ASCC3: variants seen among roughly 807,000 people sequenced by gnomAD.
The protein encoded by ASCC3 is activating signal cointegrator 1 complex subunit 3.
A neutral mutation model predicts 256.3 loss-of-function variants in ASCC3; 158 were observed. That is an observed-to-expected ratio of 0.62 (90% CI 0.54 to 0.70). The LOEUF (loss-of-function observed/expected upper bound fraction) is 0.70. Among genes scored for constraint, ASCC3 ranks in the 30% least tolerant of loss-of-function variants. ASCC3 has a pLI of 0.00. For missense variants in ASCC3, 2,259 were observed against 2,626.0 expected, an observed-to-expected ratio of 0.86 and a Z score of 3.05; for synonymous variants, 948 against 883.4, an observed-to-expected ratio of 1.07 and a Z score of -1.30.
chr6:100,829,158 A>G (rs1032082594), intron 4 of ASCC3, among the ~76,000 whole-genome samples: 8 of 152,130 alleles, frequency 5.3e-5, no homozygotes, highest in African/African-American at 1.7e-4. Context: ...CAGGAGCCCA[A>G]CTGGATTCAC....
At chr6:100,802,917 A>G (rs1268441980) in intron 5 of ASCC3, among the ~76,000 whole-genome samples, 4 of 151,986 alleles carry the variant, frequency 2.6e-5, no homozygotes, top group African/African-American at 9.7e-5. Context: ...CTGAGATGAG[A>G]GGATTGCTTG....
chr6:100,563,551 G>A (rs1770064809), intron 36 of ASCC3, among the ~76,000 whole-genome samples: 1 of 152,076 alleles, frequency 6.6e-6, no homozygotes, highest in Non-Finnish European at 1.5e-5. Context: ...AACTGTCCTG[G>A]CTGTGGTGGG....
At chr6:100,727,554 T>TATC (rs1424898140) in intron 10 of ASCC3, among the ~76,000 whole-genome samples, 1 of 151,978 alleles carries the variant, frequency 6.6e-6, no homozygotes, top group African/African-American at 2.4e-5. Context: ...ACTTTCACTG[T>TATC]ATCAGCCAGG....
At chr6:100,583,715 A>G (rs1011624535) in intron 36 of ASCC3, among the ~76,000 whole-genome samples, 3 of 151,650 alleles carry the variant, frequency 2.0e-5, no homozygotes, top group African/African-American at 7.3e-5. Context: ...GCTTTCTCTT[A>G]TGGGCATTTA....
At chr6:100,767,377 A>G in intron 8 of ASCC3, 32 bp from the exon 9 acceptor site, 1 of 1,590,384 alleles carries the variant, frequency 6.3e-7, no homozygotes, top group Non-Finnish European at 8.6e-7. Context: ...CATTATAAAT[A>G]GTAACAATGT....
chr6:100,735,409 G>A (rs563439344), intron 10 of ASCC3, among the ~76,000 whole-genome samples: 7 of 151,686 alleles, frequency 4.6e-5, no homozygotes, highest in East Asian at 2.0e-4. Flanking sequence ...AAACAGCTTC[G>A]TACTTTAATA....
chr6:100,536,895 T>C (rs1775192077), intron 37 of ASCC3, among the ~76,000 whole-genome samples: 1 of 152,138 alleles, frequency 6.6e-6, no homozygotes, highest in Non-Finnish European at 1.5e-5. Flanking sequence ...CAAGAAACAC[T>C]GGGGTGAGTC....
At chr6:100,834,290 G>C (rs1364683587) in intron 4 of ASCC3, among the ~76,000 whole-genome samples, 1 of 152,110 alleles carries the variant, frequency 6.6e-6, no homozygotes, top group East Asian at 1.9e-4. Flanking sequence ...TATTTCAAAT[G>C]TTAGCACAAT....
At chr6:100,673,733 T>G (rs1342211577) in intron 14 of ASCC3, among the ~76,000 whole-genome samples, 2 of 152,178 alleles carry the variant, frequency 1.3e-5, no homozygotes, top group Admixed American at 6.5e-5. Context: ...GTACGTGAAT[T>G]TTGGTCACAC....
chr6:100,666,180 G>A lies in ASCC3; in HGVS notation c.2287-3644C>T, dbSNP rs75474699. Among the ~76,000 whole-genome samples, 191 of 152,108 alleles carry A rather than the reference G, an allele frequency of 1.3e-3. 1 individual carries two copies. In the South Asian group the frequency reaches 0.018, roughly 15 times the overall value. On this transcript the variant is annotated intron_variant, in intron 14 of 41. Coordinates refer to ENST00000369162, the MANE Select transcript of ASCC3 (RefSeq NM_006828.4). Reference sequence around the variant, plus strand: ...TTTTTATTGCTGAGTAGTATTCCACGGTACTACAGATGGGCACATTACAGT... The same window carrying A: ...TTTTTATTGCTGAGTAGTATTCCACAGTACTACAGATGGGCACATTACAGT...
At chr6:100,856,743 CTTCTT>C (rs928377835) in intron 3 of ASCC3, 17 of 152,190 alleles carry the variant, frequency 1.1e-4, no homozygotes, top group African/African-American at 3.9e-4. Context: ...TGTTGTATGG[CTTCTT>C]TTGTCAACAT....
At chr6:100,824,389 A>G (rs1435334344) in intron 4 of ASCC3, among the ~76,000 whole-genome samples, 2 of 152,208 alleles carry the variant, frequency 1.3e-5, no homozygotes, top group Non-Finnish European at 2.9e-5. Context: ...TTGGAGTTCC[A>G]AAAGACCTCA....
intron 8 of ASCC3, among the ~76,000 whole-genome samples, chr6:100,779,448 A>G (rs1283256939): frequency 6.6e-6 from 1 of 152,096 alleles, no homozygotes; most frequent in African/African-American, 2.4e-5. Flanking sequence ...CACATTAAAA[A>G]ACTGGAAGAA....
intron 13 of ASCC3, among the ~76,000 whole-genome samples, chr6:100,706,964 T>A (rs1294855265): frequency 6.6e-6 from 1 of 152,118 alleles, no homozygotes; most frequent in Non-Finnish European, 1.5e-5. Context: ...CTGAAGGCAT[T>A]GGCCTAGGCA....
intron 10 of ASCC3, among the ~76,000 whole-genome samples, chr6:100,760,992 A>C (rs1427749965): frequency 1.3e-5 from 2 of 152,206 alleles, no homozygotes; most frequent in African/African-American, 4.8e-5. Context: ...GCAAACACTC[A>C]ACAGGATGAA....
intron 10 of ASCC3, among the ~76,000 whole-genome samples, chr6:100,758,338 C>G (rs1781281281): frequency 6.6e-6 from 1 of 152,020 alleles, no homozygotes; most frequent in Admixed American, 6.6e-5. Flanking sequence ...TTTCCTGCAC[C>G]TATTGACCCA....
At chr6:100,817,516 A>G (rs1444225616) in intron 4 of ASCC3, among the ~76,000 whole-genome samples, 3 of 152,084 alleles carry the variant, frequency 2.0e-5, no homozygotes, top group African/African-American at 7.2e-5. Flanking sequence ...AACAAAATTA[A>G]CAAAACTTTA....
chr6:100,688,734 A>G (rs1239928231), intron 13 of ASCC3, among the ~76,000 whole-genome samples: 1 of 152,168 alleles, frequency 6.6e-6, no homozygotes, highest in Non-Finnish European at 1.5e-5. Context: ...CTGCGGACAT[A>G]TAACGGGCTC....
chr6:100,713,605 C>A (rs1461804129), intron 13 of ASCC3, among the ~76,000 whole-genome samples: 1 of 152,080 alleles, frequency 6.6e-6, no homozygotes, highest in African/African-American at 2.4e-5. Context: ...TTGATTGAAT[C>A]AAATTATCCC....
Sources: allele counts gnomAD v4.1 joint callset (sites outside exome capture counted in the v4.1 genomes callset), GRCh38; gene constraint gnomAD v4.1.1; transcripts MANE v1.5; gene names NCBI Gene and HGNC (gene_info 2026-07-23, HGNC 2026-07-21).